The following ZNF841 variants were observed in gnomAD, a reference collection of about 807,000 sequenced individuals.
The protein encoded by ZNF841 is TCONS_00006091.
A neutral mutation model predicts 13.0 loss-of-function variants in ZNF841; 11 were observed. That is an observed-to-expected ratio of 0.85 (90% CI 0.53 to 1.40). The LOEUF is 1.40. Ranked by LOEUF, ZNF841 falls within the 40% of genes most tolerant of loss-of-function variation. The pLI is 0.00. For synonymous variants in ZNF841, 369 were observed against 381.6 expected, an observed-to-expected ratio of 0.97 and a Z score of 0.38; for missense variants, 1,068 against 1,139.5, an observed-to-expected ratio of 0.94 and a Z score of 0.90.
At position 52,067,050 on chromosome 19, in the gene ZNF841, T is replaced by C; in HGVS notation, c.832A>G (p.Asn278Asp). The change falls in exon 7 of 7, where the codon AAT becomes GAT. Residue 278 changes from asparagine (N) to aspartate (D), a missense_variant. Physicochemically the swap from Asn to Asp is conservative, Grantham distance 23. Coordinates refer to ENST00000594440, the MANE Select transcript of ZNF841 (RefSeq NM_001136499.2). Reference sequence around the variant, plus strand: ...TCTGTAGTATGTATCATCTGATGATTAATAAGACTTGAAGACACTCTGAAG... The same window carrying C: ...TCTGTAGTATGTATCATCTGATGATCAATAAGACTTGAAGACACTCTGAAG... The part of the protein sequence containing the change: ...KAFRVSSSLI[N>D]HQMIHTTEKP... 6.2e-7 allele frequency: 1 copy of C among 1,612,224 alleles called. No homozygotes were observed. The highest frequency in any genetic ancestry group is 1.1e-5 in the South Asian group (1 of 90,794).
chr19:52,068,315 C>G (rs1408074789), intron 6 of ZNF841, among the ~76,000 whole-genome samples: 1 of 151,700 alleles, frequency 6.6e-6, no homozygotes, highest in Non-Finnish European at 1.5e-5. Context: ...AGAAACTAAG[C>G]AGTGTCAGAA....
Position 52,066,648 on chromosome 19 carries a change from G to C in ZNF841, c.1234C>G (p.Arg412Gly), listed in dbSNP as rs756444324. ...KCNECGKTFK[R>G]NSSLTAHHII... is the part of the protein sequence containing the mutation. ...TGATGTGCAGTGAGGCTTGAGTTCCGTTTAAAGGTTTTGCCACATTCATTA... is the reference window on the plus strand; with the variant it reads ...TGATGTGCAGTGAGGCTTGAGTTCCCTTTAAAGGTTTTGCCACATTCATTA... Residue 412 changes from arginine (R) to glycine (G), a missense_variant, in exon 7 of 7, where the codon CGG (arginine) becomes GGG (glycine). Coordinates refer to ENST00000594440, the MANE Select transcript of ZNF841 (RefSeq NM_001136499.2). The C allele has an allele frequency of 6.2e-7, 1 of 1,612,732 alleles. No homozygotes were observed. The highest frequency in any genetic ancestry group is 1.1e-5 in the South Asian group (1 of 90,970).
At chr19:52,067,989 C>T (rs147875673) in intron 6 of ZNF841, among the ~76,000 whole-genome samples, 1 of 151,990 alleles carries the variant, frequency 6.6e-6, no homozygotes, top group African/African-American at 2.4e-5. Context: ...TTATTTCATA[C>T]AAATGAATGC....
At chr19:52,085,980 C>G (rs1326109319) in intron 3 of ZNF841, among the ~76,000 whole-genome samples, 1 of 152,144 alleles carries the variant, frequency 6.6e-6, no homozygotes, top group East Asian at 1.9e-4. Context: ...AAGCTAAAGC[C>G]AGGAAGTACA....
Position 52,065,968 on chromosome 19 carries a change from T to C in ZNF841, c.1914A>G (p.Ser638=), listed in dbSNP as rs1210647662. The C allele has an allele frequency of 6.2e-7, 1 of 1,614,214 alleles. No individual in the cohort carries two copies. Among genetic ancestry groups the C allele is most frequent in the Non-Finnish European group, 8.5e-7 (1 of 1,180,026 alleles). The change falls in exon 7 of 7, where the codon TCA becomes TCG. Residue 638 remains serine (S), a synonymous_variant. Coordinates refer to ENST00000594440, the MANE Select transcript of ZNF841 (RefSeq NM_001136499.2). The stretch of plus-strand genomic sequence containing the variant: ...GAATTTTCCGATGACGTGCTAGGCA[T>C]GAGTAGTAACTGAAGACCTTGCCGC... ...NECGKVFSYY[S]CLARHRKIHT...
intron 6 of ZNF841, 74 bp from the exon 7 acceptor site, chr19:52,067,684 T>A (rs936720167): frequency 6.6e-6 from 7 of 1,059,002 alleles, no homozygotes; most frequent in Non-Finnish European, 8.9e-6. Context: ...GAAAACACAC[T>A]ACGCTAAACA....
At position 52,067,461 on chromosome 19, in the gene ZNF841, C is replaced by G. The variant is rs16983412; in HGVS notation, c.421G>C (p.Val141Leu). 197,484 of 1,553,964 alleles carry G rather than the reference C, an allele frequency of 0.13. 15,336 individuals carry two copies. Among genetic ancestry groups the G allele is most frequent in the South Asian group, 0.29 (24,681 of 84,076 alleles). Reference sequence around the variant, plus strand: ...TCACCATCTTTCCATTGAAAGTCAACTTCCTGTAGATTTTTCCGGATTTCC... The same window carrying G: ...TCACCATCTTTCCATTGAAAGTCAAGTTCCTGTAGATTTTTCCGGATTTCC... ...FREIRKNLQE[V>L]DFQWKDGEIN... Residue 141 changes from valine (V) to leucine (L), a missense_variant, in exon 7 of 7, where the codon GTT (valine) becomes CTT (leucine). Physicochemically the swap from Val to Leu is conservative, Grantham distance 32. Transcript: ENST00000594440.
At position 52,066,379 on chromosome 19, in the gene ZNF841, T is replaced by C; in HGVS notation, c.1503A>G (p.Ala501=). The change falls in exon 7 of 7, where the codon GCA becomes GCG. Residue 501 remains alanine (A), a synonymous_variant. Transcript: ENST00000594440. The part of the protein sequence containing the change: ...GKVFSQHSHL[A]VHQRVHTGEK... ...CTCCAGTATGAACTCTCTGATGCAC[T>C]GCAAGATGTGAATGTTGACTGAAGA... 1 of 1,614,118 alleles carries C rather than the reference T, an allele frequency of 6.2e-7. No individual in the cohort carries two copies. The highest frequency in any genetic ancestry group is 8.5e-7 in the Non-Finnish European group (1 of 1,180,004).
chr19:52,083,793 T>C (rs2088177856), intron 4 of ZNF841, among the ~76,000 whole-genome samples: 2 of 151,596 alleles, frequency 1.3e-5, no homozygotes, highest in South Asian at 4.2e-4. Flanking sequence ...TTTAACAAAT[T>C]AGTATATCCG....
At chr19:52,077,458 TA>T (rs527647586) in intron 4 of ZNF841, among the ~76,000 whole-genome samples, 72 of 152,296 alleles carry the variant, frequency 4.7e-4, no homozygotes, top group African/African-American at 1.7e-3. Flanking sequence ...GGTCAGAAAC[TA>T]AAAACAGCGA....
In ZNF841 at chr19:52,069,031, A is replaced by G. The variant is rs137963196; in HGVS notation, c.272-1421T>C. 1.1e-4 allele frequency among the ~76,000 whole-genome samples: 16 copies of G among 152,270 alleles called. No individual in the cohort carries two copies. In the East Asian group the frequency reaches 2.9e-3, roughly 28 times the overall value. On this transcript the variant is annotated intron_variant, in intron 6 of 6. Coordinates refer to ENST00000594440, the MANE Select transcript of ZNF841 (RefSeq NM_001136499.2). ...TCTCAGTTATGATTTCATGCCTACA[A>G]CTATGTAACAAACAACAGAGCAAGT...
At chr19:52,093,345 TGC>T (rs2088567783) in intron 2 of ZNF841, among the ~76,000 whole-genome samples, 1 of 152,174 alleles carries the variant, frequency 6.6e-6, no homozygotes. Context: ...GAAGACATTA[TGC>T]TAGGTGAAAT....
chr19:52,078,151 G>A (rs527640090), intron 4 of ZNF841, among the ~76,000 whole-genome samples: 10 of 151,982 alleles, frequency 6.6e-5, no homozygotes, highest in Admixed American at 3.9e-4. Flanking sequence ...TTAGCTGGGC[G>A]TGGTGGTGTG....
rs1279658497 is a variant in ZNF841 at position 52,065,946 on chromosome 19, T to C, written c.1936A>G (p.Ile646Val). 3 of 1,614,168 alleles carry C rather than the reference T, an allele frequency of 1.9e-6. No individual in the cohort carries two copies. The highest frequency in any genetic ancestry group is 2.2e-5 in the South Asian group (2 of 91,084). The part of the protein sequence containing the change: ...YYSCLARHRK[I>V]HTGEKPYKCN... ...TTATAAGGTTTCTCTCCGGTATGAATTTTCCGATGACGTGCTAGGCATGAG... is the reference window on the plus strand; with the variant it reads ...TTATAAGGTTTCTCTCCGGTATGAACTTTCCGATGACGTGCTAGGCATGAG... Residue 646 changes from isoleucine to valine, a missense_variant, in exon 7 of 7, where the codon ATT becomes GTT. Physicochemically the swap from Ile to Val is conservative, Grantham distance 29. Transcript: ENST00000594440.
At chr19:52,063,943 A>G (rs1312432091), downstream of ZNF841, among the ~76,000 whole-genome samples, 3 of 151,894 alleles carry the variant, frequency 2.0e-5, no homozygotes, top group Admixed American at 6.5e-5. Context: ...TGAGTTATAG[A>G]TCCACAAGTT....
intron 6 of ZNF841, among the ~76,000 whole-genome samples, chr19:52,074,810 G>A (rs1477715433): frequency 6.6e-6 from 1 of 152,156 alleles, no homozygotes; most frequent in Admixed American, 6.5e-5. Flanking sequence ...GAGCCACCGT[G>A]CCCGGCATGG....
At chr19:52,068,909 T>C (rs927052868) in intron 6 of ZNF841, among the ~76,000 whole-genome samples, 5 of 148,894 alleles carry the variant, frequency 3.4e-5, no homozygotes, top group African/African-American at 1.0e-4. Flanking sequence ...AAGGGGGAGG[T>C]TGCAGTCAGC....
chr19:52,059,370 A>AAAAAAAATATATATATAT, the ZNF841 span, among the ~76,000 whole-genome samples: 1 of 69,650 alleles, frequency 1.4e-5, no homozygotes, highest in African/African-American at 8.2e-5. Context: ...AAAAAAAAAA[A>AAAAAAAATATATATATAT]ATATATATAT....
downstream of ZNF841, among the ~76,000 whole-genome samples, chr19:52,062,038 C>G (rs1199061090): frequency 6.6e-6 from 1 of 152,116 alleles, no homozygotes; most frequent in Non-Finnish European, 1.5e-5. Context: ...AGGGAAGCAG[C>G]AGGAGCCGAA....
Sources: allele counts gnomAD v4.1 joint callset (sites outside exome capture counted in the v4.1 genomes callset), GRCh38; gene constraint gnomAD v4.1.1; transcripts MANE v1.5; gene names NCBI Gene and HGNC (gene_info 2026-07-23, HGNC 2026-07-21).